NCAPD3: variants seen among roughly 807,000 people sequenced by gnomAD.
NCAPD3 encodes the protein condensin-2 complex subunit D3.
In NCAPD3, 105 loss-of-function variants were observed where a neutral mutation model predicts 182.9. The ratio of observed to expected loss-of-function variants is 0.57; its 90% CI spans 0.49 to 0.68. NCAPD3 has a LOEUF of 0.68. Among genes scored for constraint, NCAPD3 ranks in the 30% least tolerant of loss-of-function variants. The pLI, the probability that NCAPD3 is intolerant of heterozygous loss-of-function variation, is 0.00. For synonymous variants in NCAPD3, 815 were observed against 679.9 expected, an observed-to-expected ratio of 1.20 and a Z score of -3.09; for missense variants, 1,944 against 1,837.0, an observed-to-expected ratio of 1.06 and a Z score of -1.07.
At chr11:134,160,685 G>A (rs1444653545) in intron 28 of NCAPD3, among the ~76,000 whole-genome samples, 1 of 152,178 alleles carries the variant, frequency 6.6e-6, no homozygotes, top group Non-Finnish European at 1.5e-5. Context: ...TTTGCTAAGA[G>A]AAAGAATCAT....
At chr11:134,214,609 T>C (rs537285031) in intron 3 of NCAPD3, among the ~76,000 whole-genome samples, 76 of 152,206 alleles carry the variant, frequency 5.0e-4, no homozygotes, top group African/African-American at 1.6e-3. Context: ...ATTTAATTAA[T>C]GACATCAAAA....
intron 16 of NCAPD3, among the ~76,000 whole-genome samples, chr11:134,188,602 G>A (rs892814796): frequency 3.9e-5 from 6 of 152,056 alleles, no homozygotes; most frequent in South Asian, 2.1e-4. Flanking sequence ...AAACAACTCC[G>A]GATGTGCCAC....
intron 15 of NCAPD3, among the ~76,000 whole-genome samples, chr11:134,193,672 G>C (rs1295795361): frequency 6.6e-6 from 1 of 152,216 alleles, no homozygotes; most frequent in Non-Finnish European, 1.5e-5. Flanking sequence ...AGAGTTGCTT[G>C]AACCTGAGAG....
chr11:134,181,213 G>A (rs753611259), intron 19 of NCAPD3, 29 bp from the exon 20 acceptor site: 1 of 1,485,982 alleles, frequency 6.7e-7, no homozygotes, highest in Non-Finnish European at 9.4e-7. Context: ...CATCTCTGAA[G>A]GGCCCCGCAC....
intron 11 of NCAPD3, 44 bp downstream of exon 11, chr11:134,203,610 T>G: frequency 6.3e-7 from 1 of 1,590,572 alleles, no homozygotes; most frequent in Non-Finnish European, 8.5e-7. Flanking sequence ...TATTTCTCAA[T>G]GAGCACAAGA....
intron 24 of NCAPD3, among the ~76,000 whole-genome samples, chr11:134,171,409 T>G (rs533794524): frequency 6.6e-6 from 1 of 152,282 alleles, no homozygotes; most frequent in East Asian, 1.9e-4. Context: ...TGTTTTCAGC[T>G]TTAGTAGGAA....
chr11:134,175,295 G>A (rs148338996), intron 24 of NCAPD3, among the ~76,000 whole-genome samples: 16 of 152,236 alleles, frequency 1.1e-4, no homozygotes, highest in African/African-American at 3.9e-4. Context: ...CCTTCTCCTG[G>A]GCCACGTACT....
chr11:134,203,968 C>G, intron 10 of NCAPD3, 62 bp from the exon 11 acceptor site: 2 of 1,599,342 alleles, frequency 1.3e-6, no homozygotes, highest in Non-Finnish European at 1.7e-6. Flanking sequence ...GAACCCTCCT[C>G]ATTCAGACCT....
upstream of NCAPD3, chr11:134,224,007 A>T (rs1050247169): frequency 6.6e-7 from 1 of 1,516,020 alleles, no homozygotes; most frequent in Non-Finnish European, 9.0e-7. Context: ...GTTCCTGTGG[A>T]CCAATCACAA....
Position 134,151,867 on chromosome 11 carries a change from A to C in NCAPD3, c.*1077T>G, listed in dbSNP as rs1943248202. 1 of 152,182 alleles carries C rather than the reference A, an allele frequency of 6.6e-6. No homozygotes were observed. The highest frequency in any genetic ancestry group is 2.4e-5 in the African/African-American group (1 of 41,436). The allele number at this position is 152,182 out of a possible 1,614,324, so 9.4% of individuals were successfully genotyped here. A position where few individuals can be genotyped will look rare whatever the true frequency, so the allele number is the denominator to read the frequency against. Reference sequence around the variant, plus strand: ...GCTATCAATCACCCATCCACCAGGGAAGTCAGTGCTGGGCAGGAGGTCAGC... The same window carrying C: ...GCTATCAATCACCCATCCACCAGGGCAGTCAGTGCTGGGCAGGAGGTCAGC... On this transcript the variant is annotated 3_prime_UTR_variant, in exon 35 of 35. Coordinates refer to ENST00000534548, the MANE Select transcript of NCAPD3 (RefSeq NM_015261.3).
At position 134,168,119 on chromosome 11, in the gene NCAPD3, G is replaced by A. The variant is rs1020922076; in HGVS notation, c.3450C>T (p.Ser1150=). The A allele has an allele frequency of 3.1e-6, 5 of 1,614,036 alleles. No individual in the cohort carries two copies. In the African/African-American group the frequency reaches 5.3e-5, roughly 17 times the overall value. Residue 1150 remains serine, a synonymous_variant, in exon 27 of 35, where the codon AGC becomes AGT. Coordinates refer to ENST00000534548, the MANE Select transcript of NCAPD3 (RefSeq NM_015261.3). ...TTGCCAAAAGCTTGATCTCCTTTGA[G>A]CTGAGGACCTCAAACGTGTCTGAGA... ...ELLSDTFEVL[S]SKEIKLLAMR...
At chr11:134,164,456 C>T (rs1431539274) in intron 27 of NCAPD3, among the ~76,000 whole-genome samples, 1 of 152,222 alleles carries the variant, frequency 6.6e-6, no homozygotes, top group East Asian at 1.9e-4. Context: ...GAGTTAAAGC[C>T]ATCAGTAAGA....
Position 134,217,065 on chromosome 11 carries a change from A to C in NCAPD3, c.253T>G (p.Ser85Ala). The change falls in exon 3 of 35, where the codon TCC becomes GCC. Residue 85 changes from serine to alanine, a missense_variant. Transcript: ENST00000534548. The stretch of plus-strand genomic sequence containing the variant: ...AACAATGCCACCAGTGTACTATGGG[A>C]AACATTGTTCTCAATGAAGAAGGTC... ...IWTFFIENNV[S>A]HSTLVALFYH... is the part of the protein sequence containing the mutation. 6.2e-7 allele frequency: 1 copy of C among 1,613,200 alleles called. No individual in the cohort carries two copies. The highest frequency in any genetic ancestry group is 8.5e-7 in the Non-Finnish European group (1 of 1,179,648).
At chr11:134,177,531 C>T in intron 22 of NCAPD3, 74 bp from the exon 23 acceptor site, 1 of 1,340,150 alleles carries the variant, frequency 7.5e-7, no homozygotes, top group South Asian at 1.3e-5. Flanking sequence ...TCTCCAGATA[C>T]ATCTTGCTAA....
intron 19 of NCAPD3, 52 bp from the exon 20 acceptor site, chr11:134,181,236 AC>A: frequency 8.6e-7 from 1 of 1,157,440 alleles, no homozygotes; most frequent in Non-Finnish European, 1.3e-6. Context: ...CTCCCAGACT[AC>A]CCATGAAACA....
intron 16 of NCAPD3, among the ~76,000 whole-genome samples, 169 bp downstream of exon 16, chr11:134,192,520 A>T (rs954917927): frequency 6.6e-6 from 1 of 152,274 alleles, no homozygotes; most frequent in African/African-American, 2.4e-5. Flanking sequence ...GGCGATAAAA[A>T]TATCTAAGAG....
At chr11:134,189,964 G>T (rs1436675478) in intron 16 of NCAPD3, among the ~76,000 whole-genome samples, 1 of 151,774 alleles carries the variant, frequency 6.6e-6, no homozygotes, top group Non-Finnish European at 1.5e-5. Flanking sequence ...GTTGGATTTT[G>T]GTTTTTATAT....
At chr11:134,181,258 A>G in intron 19 of NCAPD3, 74 bp from the exon 20 acceptor site, 1 of 943,406 alleles carries the variant, frequency 1.1e-6, no homozygotes, top group East Asian at 2.6e-5. Flanking sequence ...CCATGTTCTC[A>G]GAAGAAACTA....
rs560307843 is a variant in NCAPD3, at chr11:134,220,577, T to C, written c.214A>G (p.Met72Val). The part of the protein sequence containing the change: ...LPFATGEHGS[M>V]ESIWTFFIEN... The stretch of plus-strand genomic sequence containing the variant: ...GTTTGTTTTTATATTTTTACCTCCA[T>C]AGATCCATGTTCTCCAGTAGCAAAG... Residue 72 changes from methionine to valine, a missense_variant, in exon 2 of 35, where the codon ATG becomes GTG. Met to Val is a conservative substitution (Grantham distance 21, BLOSUM62 1). Around this residue, in one of 3 missense-constraint regions of NCAPD3, gnomAD observed 131 missense variants for 133.9 expected, o/e 0.98. Coordinates refer to ENST00000534548, the MANE Select transcript of NCAPD3 (RefSeq NM_015261.3). 2 of 1,612,460 alleles carry C rather than the reference T, an allele frequency of 1.2e-6. No individual in the cohort carries two copies. Among genetic ancestry groups the C allele is most frequent in the Non-Finnish European group, 1.7e-6 (2 of 1,178,706 alleles).
Sources: allele counts gnomAD v4.1 joint callset (sites outside exome capture counted in the v4.1 genomes callset), GRCh38; gene constraint gnomAD v4.1.1; regional missense constraint gnomAD v4.1.1; transcripts MANE v1.5; gene names NCBI Gene and HGNC (gene_info 2026-07-23, HGNC 2026-07-21).